The following TLE4 variants were observed in gnomAD, a reference collection of about 807,000 sequenced individuals.
The protein encoded by TLE4 is TLE family member 4, transcriptional corepressor, also known as transducin-like enhancer protein 4.
In TLE4, 8 loss-of-function variants were observed where a neutral mutation model predicts 92.8. The ratio of observed to expected loss-of-function variants is 0.09; its 90% CI spans 0.05 to 0.16. The LOEUF (loss-of-function observed/expected upper bound fraction) is 0.16, where lower values mean the gene tolerates loss of function less well. Among genes scored for constraint, TLE4 ranks in the 10% least tolerant of loss-of-function variants. TLE4 has a pLI of 1.00. For synonymous variants in TLE4, 371 were observed against 374.1 expected, an observed-to-expected ratio of 0.99 and a Z score of 0.10; for missense variants, 675 against 997.6, an observed-to-expected ratio of 0.68 and a Z score of 4.36.
At chr9:79,625,220 C>T (rs1014705778) in intron 5 of TLE4, among the ~76,000 whole-genome samples, 1 of 151,102 alleles carries the variant, frequency 6.6e-6, no homozygotes, top group Non-Finnish European at 1.5e-5. Flanking sequence ...GGGGTTTCGC[C>T]GTTTTAGCCG....
At chr9:79,593,234 T>C (rs1221475423) in intron 4 of TLE4, among the ~76,000 whole-genome samples, 7 of 152,172 alleles carry the variant, frequency 4.6e-5, no homozygotes, top group Admixed American at 1.3e-4. Context: ...AATGTGGTTT[T>C]GCTGTCTGTC....
At chr9:79,662,488 G>A (rs2060677437) in intron 8 of TLE4, among the ~76,000 whole-genome samples, 1 of 152,032 alleles carries the variant, frequency 6.6e-6, no homozygotes, top group South Asian at 2.1e-4. Context: ...TTCTGTTTTT[G>A]TGAGCGACAT....
At chr9:79,709,492 T>A in intron 13 of TLE4, 131 bp from the exon 14 acceptor site, 1 of 669,856 alleles carries the variant, frequency 1.5e-6, no homozygotes, top group South Asian at 2.1e-5. Context: ...AATAAATACT[T>A]CTGTATATAT....
chr9:79,722,717 C>A lies in TLE4; in HGVS notation c.2137+116C>A. On this transcript the variant is annotated intron_variant, in intron 18 of 19. Coordinates refer to ENST00000376552, the MANE Select transcript of TLE4 (RefSeq NM_007005.6). ...CATTACCATGCCCCTCTTCAGAATTCTATTACTTCCTGATACATGCCTGCT... is the reference window on the plus strand; with the variant it reads ...CATTACCATGCCCCTCTTCAGAATTATATTACTTCCTGATACATGCCTGCT... 4 of 1,283,478 alleles carry A rather than the reference C, an allele frequency of 3.1e-6. No individual in the cohort carries two copies. In the East Asian group the frequency reaches 7.1e-5, roughly 23 times the overall value. The allele number at this position is 1,283,478 out of a possible 1,614,324, so 79.5% of individuals were successfully genotyped here.
chr9:79,673,594 A>G (rs1232655148), intron 8 of TLE4, among the ~76,000 whole-genome samples: 1 of 152,176 alleles, frequency 6.6e-6, no homozygotes, highest in Non-Finnish European at 1.5e-5. Flanking sequence ...TTTTTGTGGG[A>G]AGAGACTACT....
At chr9:79,654,185 T>A in intron 8 of TLE4, 110 bp downstream of exon 8, 1 of 1,175,660 alleles carries the variant, frequency 8.5e-7, no homozygotes, top group Non-Finnish European at 1.2e-6. Flanking sequence ...CATTGGTTAG[T>A]AGTGGTTAAC....
intron 6 of TLE4, chr9:79,649,970 C>T: frequency 3.0e-6 from 3 of 1,001,308 alleles, no homozygotes; most frequent in South Asian, 1.5e-5. Context: ...GGCTGGGATG[C>T]AGTAGCACAA....
chr9:79,722,380 A>T (rs2075788863), intron 17 of TLE4, 71 bp from the exon 18 acceptor site: 1 of 1,542,564 alleles, frequency 6.5e-7, no homozygotes, highest in Admixed American at 1.8e-5. Flanking sequence ...TCTACAGAAG[A>T]GATAGTACCT....
At chr9:79,707,053 G>A (rs1010009417) in intron 11 of TLE4, 154 bp downstream of exon 11, 9 of 1,580,482 alleles carry the variant, frequency 5.7e-6, no homozygotes, top group Non-Finnish European at 6.9e-6. Context: ...GCAAAAGTAT[G>A]TAGAGCAGAA....
intron 3 of TLE4, chr9:79,575,859 G>A (rs1587584636): frequency 3.5e-6 from 1 of 286,984 alleles, no homozygotes; most frequent in Non-Finnish European, 6.5e-6. Flanking sequence ...CTTTTTTGAT[G>A]CATCTGCTTG....
chr9:79,641,646 T>A (rs2057167476), intron 6 of TLE4, among the ~76,000 whole-genome samples: 1 of 152,200 alleles, frequency 6.6e-6, no homozygotes, highest in Non-Finnish European at 1.5e-5. Context: ...GTCATTTGCA[T>A]CCTGCAGGTC....
At chr9:79,611,281 C>T (rs1460552394) in intron 4 of TLE4, among the ~76,000 whole-genome samples, 1 of 152,040 alleles carries the variant, frequency 6.6e-6, no homozygotes, top group African/African-American at 2.4e-5. Context: ...TAAATCAGGT[C>T]AGCACAGTTG....
chr9:79,722,024 G>A (rs2075730036), intron 17 of TLE4, 136 bp downstream of exon 17: 1 of 1,278,044 alleles, frequency 7.8e-7, no homozygotes, highest in Non-Finnish European at 1.0e-6. Flanking sequence ...AATTAGCTGG[G>A]CATGGTGGCA....
rs1484432772 is a variant in TLE4, at chr9:79,722,431, A to T, written c.1987-20A>T. 3 of 1,613,500 alleles carry T rather than the reference A, an allele frequency of 1.9e-6. No individual in the cohort carries two copies. The highest frequency in any genetic ancestry group is 2.5e-6 in the Non-Finnish European group (3 of 1,179,670). On this transcript the variant is annotated intron_variant, in intron 17 of 19. Coordinates refer to ENST00000376552, the MANE Select transcript of TLE4 (RefSeq NM_007005.6). ...CGTGTCCACTGTGGCCACTGTCACC[A>T]TCACCTGTTTTAATTCTAGATCTTT... is the stretch of plus-strand genomic sequence containing the variant.
Position 79,613,553 on chromosome 9 carries a change from C to T in TLE4, c.315+835C>T, listed in dbSNP as rs114731713. Among the ~76,000 whole-genome samples the T allele has an allele frequency of 6.0e-3, 920 of 152,232 alleles. 7 individuals carry two copies. The highest frequency in any genetic ancestry group is 0.02 in the African/African-American group (847 of 41,548). Reference sequence around the variant, plus strand: ...TGCCTTCATTTGCTCAGGTAAGATCCACTCTAAGAAGGAAGGAGCTAATGA... The same window carrying T: ...TGCCTTCATTTGCTCAGGTAAGATCTACTCTAAGAAGGAAGGAGCTAATGA... On this transcript the variant is annotated intron_variant, in intron 5 of 19. Coordinates refer to ENST00000376552, the MANE Select transcript of TLE4 (RefSeq NM_007005.6).
rs2075717509 is a variant in TLE4, at chr9:79,721,974, G to A, written c.1986+86G>A. 7 of 1,520,330 alleles carry A rather than the reference G, an allele frequency of 4.6e-6. No homozygotes were observed. In the South Asian group the frequency reaches 6.4e-5, roughly 14 times the overall value. 94.2% of individuals were successfully genotyped at this position (1,520,330 alleles called of 1,614,324 possible). ...CAGGTCAGGGAATCGAGACCATCCTGGCCAACATGGTGAAACCCCATCTCT... is the reference window on the plus strand; with the variant it reads ...CAGGTCAGGGAATCGAGACCATCCTAGCCAACATGGTGAAACCCCATCTCT... On this transcript the variant is annotated intron_variant, in intron 17 of 19. Transcript: ENST00000376552.
chr9:79,611,733 A>C (rs777989995), intron 4 of TLE4, among the ~76,000 whole-genome samples: 3 of 152,058 alleles, frequency 2.0e-5, no homozygotes, highest in Non-Finnish European at 2.9e-5. Context: ...TATACATCAC[A>C]AAATATACAA....
intron 14 of TLE4, among the ~76,000 whole-genome samples, chr9:79,713,617 T>G (rs2073859936): frequency 6.6e-6 from 1 of 152,194 alleles, no homozygotes; most frequent in Admixed American, 6.5e-5. Flanking sequence ...ATTCAGAAAG[T>G]ACTTTTGTAA....
intron 6 of TLE4, among the ~76,000 whole-genome samples, chr9:79,643,674 A>G (rs533266060): frequency 3.3e-5 from 5 of 152,270 alleles, no homozygotes; most frequent in African/African-American, 1.2e-4. Context: ...AGGAATACTA[A>G]CTAGGTGATG....
Sources: gnomAD v4.1 joint callset for allele counts (sites outside exome capture counted in the v4.1 genomes callset) on GRCh38, gnomAD v4.1.1 for gene constraint, MANE v1.5 for transcripts, NCBI Gene and HGNC (gene_info 2026-07-23, HGNC 2026-07-21) for gene names.